The following SLC16A12 variants were observed in gnomAD, a reference collection of about 807,000 sequenced individuals.
The protein encoded by SLC16A12 is solute carrier family 16 member 12, also known as monocarboxylate transporter 12.
SLC16A12 carries 17 observed loss-of-function variants against 42.4 expected under a neutral mutation model. That is an observed-to-expected ratio of 0.40 (90% confidence interval 0.27 to 0.60). The LOEUF (loss-of-function observed/expected upper bound fraction) is 0.60. Ranked by LOEUF, SLC16A12 falls within the 20% of genes least tolerant of loss-of-function variation. The pLI, the probability that SLC16A12 is intolerant of heterozygous loss-of-function variation, is 0.42. For synonymous variants in SLC16A12, 224 were observed against 229.4 expected, an observed-to-expected ratio of 0.98 and a Z score of 0.21; for missense variants, 544 against 623.0, an observed-to-expected ratio of 0.87 and a Z score of 1.35.
chr10:89,457,165 G>T (rs1263772827), intron 3 of SLC16A12, among the ~76,000 whole-genome samples: 1 of 152,106 alleles, frequency 6.6e-6, no homozygotes, highest in African/African-American at 2.4e-5. Flanking sequence ...CACAGCAAAA[G>T]AAACTATCAT....
intron 2 of SLC16A12, among the ~76,000 whole-genome samples, chr10:89,490,756 A>G (rs1022802792): frequency 6.6e-6 from 1 of 152,192 alleles, no homozygotes; most frequent in African/African-American, 2.4e-5. Context: ...TAAATCATTG[A>G]CCATTTCAGA....
upstream of SLC16A12, among the ~76,000 whole-genome samples, chr10:89,535,804 C>G (rs991505798): frequency 6.6e-6 from 1 of 152,100 alleles, no homozygotes; most frequent in African/African-American, 2.4e-5. Flanking sequence ...ATCCGCGCTT[C>G]GGTGGGGCGG....
chr10:89,518,161 T>C (rs984564809), intron 2 of SLC16A12, among the ~76,000 whole-genome samples: 2 of 152,168 alleles, frequency 1.3e-5, no homozygotes, highest in African/African-American at 2.4e-5. Flanking sequence ...TCCCTGGGCC[T>C]CCATGAAGCC....
chr10:89,455,316 C>T (rs1232055725), intron 3 of SLC16A12, among the ~76,000 whole-genome samples: 1 of 152,102 alleles, frequency 6.6e-6, no homozygotes. Flanking sequence ...AGTAGTGTAA[C>T]CATGTCTGTC....
intron 2 of SLC16A12, among the ~76,000 whole-genome samples, chr10:89,507,106 G>A (rs561503155): frequency 2.5e-4 from 38 of 152,288 alleles, no homozygotes; most frequent in Admixed American, 2.2e-3. Flanking sequence ...TTTGATTGGT[G>A]TACCTGAAAG....
chr10:89,491,525 A>G (rs929614444), intron 2 of SLC16A12, among the ~76,000 whole-genome samples: 13 of 151,250 alleles, frequency 8.6e-5, no homozygotes, highest in African/African-American at 3.2e-4. Context: ...TTTTTTTTAA[A>G]TTAATTCCAG....
Position 89,440,987 on chromosome 10 carries a change from A to G in SLC16A12, c.448+121T>C, listed in dbSNP as rs75905759. On this transcript the variant is annotated intron_variant, in intron 5 of 7. Coordinates refer to ENST00000371790, the MANE Select transcript of SLC16A12 (RefSeq NM_213606.4). ...TTTAACTGCTAGGTAGGTAGACATA[A>G]GCTAGGTCAACTAAATTATGCATCT... 8.5e-4 allele frequency: 1,063 copies of G among 1,251,206 alleles called. 9 individuals carry two copies. In the East Asian group the frequency reaches 0.022, roughly 26 times the overall value. 77.5% of individuals were successfully genotyped at this position (1,251,206 alleles called of 1,614,324 possible).
At chr10:89,536,339 C>T (rs976941929), upstream of SLC16A12, among the ~76,000 whole-genome samples, 1 of 152,144 alleles carries the variant, frequency 6.6e-6, no homozygotes, top group Non-Finnish European at 1.5e-5. Context: ...AGCGTTATCT[C>T]TTGGAGTCAA....
intron 2 of SLC16A12, among the ~76,000 whole-genome samples, chr10:89,481,739 C>T (rs1018729469): frequency 4.0e-5 from 6 of 150,304 alleles, no homozygotes; most frequent in African/African-American, 1.5e-4. Flanking sequence ...CATGGTTTTT[C>T]ACTATAACTT....
chr10:89,527,339 C>T lies in SLC16A12; in HGVS notation c.-47+7162G>A, dbSNP rs190716720. Among the ~76,000 whole-genome samples the T allele has an allele frequency of 8.0e-3, 1,217 of 151,728 alleles. 12 individuals carry two copies. Among genetic ancestry groups the T allele is most frequent in the African/African-American group, 0.024 (992 of 41,344 alleles). ...CTCTACTAAAAATACAAAAATTAGCCGGGTGTGGTGGCAGGTGCCTGTAAT... is the reference window on the plus strand; with the variant it reads ...CTCTACTAAAAATACAAAAATTAGCTGGGTGTGGTGGCAGGTGCCTGTAAT... On this transcript the variant is annotated intron_variant, in intron 2 of 7. Coordinates refer to ENST00000371790, the MANE Select transcript of SLC16A12 (RefSeq NM_213606.4).
chr10:89,440,691 GA>G (rs773014546), intron 5 of SLC16A12, among the ~76,000 whole-genome samples: 2 of 152,196 alleles, frequency 1.3e-5, no homozygotes, highest in Non-Finnish European at 2.9e-5. Flanking sequence ...TTTAAAATTA[GA>G]AACTCCCATT....
chr10:89,505,391 C>A (rs1201840262), intron 2 of SLC16A12, among the ~76,000 whole-genome samples: 1 of 151,858 alleles, frequency 6.6e-6, no homozygotes, highest in Non-Finnish European at 1.5e-5. Flanking sequence ...CTCCTGCACT[C>A]CAACCTGGGT....
chr10:89,432,950 A>G lies in SLC16A12; in HGVS notation c.*114T>C. ...ATTAATATGTTAACAAAACAATAAT[A>G]ATAATTTCCTTGGAAGGCAATCCTT... On this transcript the variant is annotated 3_prime_UTR_variant, in exon 8 of 8. Transcript: ENST00000371790. The G allele has an allele frequency of 2.2e-6, 3 of 1,369,394 alleles. No homozygotes were observed. In the African/African-American group the frequency reaches 4.4e-5, roughly 20 times the overall value. 84.8% of individuals were successfully genotyped at this position (1,369,394 alleles called of 1,614,324 possible).
rs1173588519 is a variant in SLC16A12 at position 89,431,560 on chromosome 10, T to C, written c.*1504A>G. On this transcript the variant is annotated 3_prime_UTR_variant, in exon 8 of 8. Transcript: ENST00000371790. ...TCAGGATCATCCTCATTGCTGTTTT[T>C]TTTCCCCCAGCACTTGTGAGGCCTT... 1 of 152,240 alleles carries C rather than the reference T, an allele frequency of 6.6e-6. No homozygotes were observed. Among genetic ancestry groups the C allele is most frequent in the East Asian group, 1.9e-4 (1 of 5,198 alleles). The allele number at this position is 152,240 out of a possible 1,614,324, so 9.4% of individuals were successfully genotyped here.
intron 3 of SLC16A12, among the ~76,000 whole-genome samples, chr10:89,452,129 G>C (rs958541915): frequency 1.2e-4 from 19 of 152,170 alleles, no homozygotes; most frequent in African/African-American, 4.1e-4. Flanking sequence ...TGATGGCATA[G>C]AAGGAAATGG....
intron 2 of SLC16A12, among the ~76,000 whole-genome samples, chr10:89,497,258 T>C (rs1332299004): frequency 1.3e-5 from 2 of 152,186 alleles, no homozygotes; most frequent in East Asian, 3.8e-4. Flanking sequence ...ATTAAACACA[T>C]ATACACACAT....
chr10:89,465,878 A>AT (rs1344264710), intron 2 of SLC16A12, among the ~76,000 whole-genome samples: 8 of 152,336 alleles, frequency 5.3e-5, no homozygotes, highest in African/African-American at 1.9e-4. Context: ...CTATGGAGAG[A>AT]AGTCCTCTGG....
At chr10:89,488,647 G>C (rs998152103) in intron 2 of SLC16A12, among the ~76,000 whole-genome samples, 3 of 152,190 alleles carry the variant, frequency 2.0e-5, no homozygotes, top group Non-Finnish European at 4.4e-5. Context: ...ACTGACAATA[G>C]TAACAGTTTC....
chr10:89,482,250 A>AAAG, intron 2 of SLC16A12, among the ~76,000 whole-genome samples: 1 of 151,146 alleles, frequency 6.6e-6, no homozygotes, highest in Non-Finnish European at 1.5e-5. Flanking sequence ...AAAAAAAAAA[A>AAAG]AAGAAGAAGA....
Sources: gnomAD v4.1 joint callset for allele counts (sites outside exome capture counted in the v4.1 genomes callset) on GRCh38, gnomAD v4.1.1 for gene constraint, MANE v1.5 for transcripts, NCBI Gene and HGNC (gene_info 2026-07-23, HGNC 2026-07-21) for gene names.